Variants in MACF1 observed in about 807,000 individuals in gnomAD.
MACF1 encodes the protein microtubule actin crosslinking factor 1.
In MACF1, 193 loss-of-function variants were observed where a neutral mutation model predicts 854.8. That is an observed-to-expected ratio of 0.23 (90% confidence interval 0.20 to 0.25). MACF1 has a LOEUF of 0.25. Among genes scored for constraint, MACF1 ranks in the 10% least tolerant of loss-of-function variants. The pLI is 1.00. For missense variants in MACF1, 7,722 were observed against 8,929.1 expected, an observed-to-expected ratio of 0.86 and a Z score of 5.45; for synonymous variants, 3,185 against 3,226.7, an observed-to-expected ratio of 0.99 and a Z score of 0.44.
In MACF1 at chr1:39,361,768, G is replaced by A. The variant is rs1176386216; in HGVS notation, c.12771+91G>A. 2.5e-6 allele frequency: 3 copies of A among 1,215,452 alleles called. No individual in the cohort carries two copies. The East Asian group carries it at 7.0e-5, about 28-fold the overall frequency. 75.3% of individuals were successfully genotyped at this position (1,215,452 alleles called of 1,614,324 possible). A position where few individuals can be genotyped will look rare whatever the true frequency, so the allele number is the denominator to read the frequency against. ...TGCTGAGCGCATACTACATCAGTCAGTATACTGGAAACTACCTGCATTATC... is the reference window on the plus strand; with the variant it reads ...TGCTGAGCGCATACTACATCAGTCAATATACTGGAAACTACCTGCATTATC... On this transcript the variant is annotated intron_variant, in intron 49 of 100. Transcript: ENST00000564288.
At chr1:39,149,756 A>G (rs1643537993) in intron 2 of MACF1, among the ~76,000 whole-genome samples, 1 of 151,772 alleles carries the variant, frequency 6.6e-6, no homozygotes, top group Non-Finnish European at 1.5e-5. Context: ...GTCCTCCATA[A>G]TTGCCTCTCT....
chr1:39,304,665 G>A (rs1228225592), intron 23 of MACF1: 5 of 453,758 alleles, frequency 1.1e-5, no homozygotes, highest in East Asian at 4.7e-5. Flanking sequence ...CTGTGTTCAC[G>A]CCATTCTCCT....
chr1:39,094,718 CAA>C (rs78652109), intron 2 of MACF1, among the ~76,000 whole-genome samples: 1 of 137,832 alleles, frequency 7.3e-6, no homozygotes. Flanking sequence ...AACTCTGTCT[CAA>C]AAAAAAAAAA....
intron 2 of MACF1, among the ~76,000 whole-genome samples, chr1:39,133,182 C>G (rs1032184518): frequency 6.6e-6 from 1 of 152,222 alleles, no homozygotes; most frequent in African/African-American, 2.4e-5. Flanking sequence ...TCTGTCCTCA[C>G]TAGCCGACTT....
intron 53 of MACF1, among the ~76,000 whole-genome samples, chr1:39,378,830 G>A (rs1370935652): frequency 6.6e-6 from 1 of 152,212 alleles, no homozygotes; most frequent in Non-Finnish European, 1.5e-5. Flanking sequence ...AGATAATCTA[G>A]TCTAGCTCTC....
intron 58 of MACF1, chr1:39,414,290 T>A (rs745554790): frequency 6.2e-7 from 1 of 1,613,848 alleles, no homozygotes; most frequent in Non-Finnish European, 8.5e-7. Flanking sequence ...TTCCTGGGAG[T>A]TTCTGCCCAC....
intron 2 of MACF1, among the ~76,000 whole-genome samples, chr1:39,244,606 C>G (rs902639055): frequency 4.8e-5 from 7 of 145,488 alleles, no homozygotes; most frequent in Non-Finnish European, 1.5e-5. Flanking sequence ...GAAATGGAGT[C>G]TCGCTCTGTT....
intron 2 of MACF1, chr1:39,103,653 G>A (rs550485589): frequency 6.6e-6 from 1 of 152,474 alleles, no homozygotes; most frequent in African/African-American, 2.4e-5. Context: ...CTCATTAGCA[G>A]CTGACACCAA....
In MACF1 at chr1:39,336,591, A is replaced by T; in HGVS notation, c.10003A>T (p.Met3335Leu). Residue 3335 changes from methionine to leucine, a missense_variant, in exon 37 of 101, where the codon ATG (methionine) becomes TTG (leucine). By Grantham distance (15) the Met-to-Leu change is conservative. Coordinates refer to ENST00000564288, the MANE Select transcript of MACF1 (RefSeq NM_001394062.1). Reference protein sequence around the residue: ...ESPGSEQTPFMTAPEGKGNGG... With the variant: ...ESPGSEQTPFLTAPEGKGNGG... ...CCCTGGCAGTGAACAAACTCCCTTC[A>T]TGACTGCACCTGAAGGAAAGGGAAA... is the stretch of plus-strand genomic sequence containing the variant. 4 of 1,614,116 alleles carry T rather than the reference A, an allele frequency of 2.5e-6. No individual in the cohort carries two copies. Among genetic ancestry groups the T allele is most frequent in the South Asian group, 1.1e-5 (1 of 91,080 alleles).
At chr1:39,212,837 G>T (rs1454935000) in intron 1 of MACF1, among the ~76,000 whole-genome samples, 1 of 152,148 alleles carries the variant, frequency 6.6e-6, no homozygotes, top group African/African-American at 2.4e-5. Context: ...GTTGGCCAGG[G>T]TGGTCTCTAA....
rs1320697285 is a variant in MACF1, at chr1:39,409,368, C to T, written c.15817-13006C>T. ...CTCAGCTGCCGGAGGGACAAACTAA[C>T]TTCCTGAGCGCGGGACCTGAGGCTG... is the stretch of plus-strand genomic sequence containing the variant. On this transcript the variant is annotated intron_variant, in intron 58 of 100. Transcript: ENST00000564288. The surrounding 1 kb of genome is among the most constrained non-coding windows in gnomAD (Gnocchi z 4.2). 1 of 152,824 alleles carries T rather than the reference C, an allele frequency of 6.5e-6. No individual in the cohort carries two copies. Among genetic ancestry groups the T allele is most frequent in the Non-Finnish European group, 1.5e-5 (1 of 68,376 alleles). 9.5% of individuals were successfully genotyped at this position (152,824 alleles called of 1,614,324 possible). A position where few individuals can be genotyped will look rare whatever the true frequency, so the allele number is the denominator to read the frequency against.
chr1:39,301,975 C>T (rs2148417761), intron 22 of MACF1, among the ~76,000 whole-genome samples: 1 of 142,880 alleles, frequency 7.0e-6, no homozygotes, highest in South Asian at 2.2e-4. Context: ...CTGCTTACCA[C>T]TGTACCTATT....
At chr1:39,144,606 G>A (rs1210830021) in intron 2 of MACF1, among the ~76,000 whole-genome samples, 1 of 151,028 alleles carries the variant, frequency 6.6e-6, no homozygotes, top group Non-Finnish European at 1.5e-5. Context: ...TGAAGAACTA[G>A]TTTATATATC....
At position 39,302,959 on chromosome 1, in the gene MACF1, A is replaced by C; in HGVS notation, c.2670A>C (p.Glu890Asp). Reference protein sequence around the residue: ...TICKNDECVLEDNSQRTKWKV... With the variant: ...TICKNDECVLDDNSQRTKWKV... ...GCAAAAATGATGAATGTGTGCTAGA[A>C]GATAATTCTCAGCGGACCAAATGGA... is the stretch of plus-strand genomic sequence containing the variant. The change falls in exon 23 of 101, where the codon GAA becomes GAC. Residue 890 changes from glutamate (E) to aspartate (D), a missense_variant. Around this residue, in one of 15 missense-constraint regions of MACF1, gnomAD observed 1,137 missense variants for 1,263.0 expected, o/e 0.90. Coordinates refer to ENST00000564288, the MANE Select transcript of MACF1 (RefSeq NM_001394062.1). 6.2e-7 allele frequency: 1 copy of C among 1,614,218 alleles called. No individual in the cohort carries two copies. The highest frequency in any genetic ancestry group is 8.5e-7 in the Non-Finnish European group (1 of 1,180,016).
Position 39,409,021 on chromosome 1 carries a change from GGCGGCGCAGC to G in MACF1, c.15817-13346_15817-13337del, listed in dbSNP as rs921754037. On this transcript the variant is annotated intron_variant, in intron 58 of 100. Transcript: ENST00000564288. The surrounding 1 kb of genome is among the most constrained non-coding windows in gnomAD (Gnocchi z 4.2). Reference sequence around the variant, plus strand: ...GGCTTCCAGGGGGCTGCCCGGGCGGGGCGGCGCAGCGCGGCGGCGCGGGGAAGGGGGAGGA... The same window carrying G: ...GGCTTCCAGGGGGCTGCCCGGGCGGGGCGGCGGCGCGGGGAAGGGGGAGGA... Among the ~76,000 whole-genome samples the G allele has an allele frequency of 6.6e-6, 1 of 151,838 alleles. No individual in the cohort carries two copies. Among genetic ancestry groups the G allele is most frequent in the Non-Finnish European group, 1.5e-5 (1 of 67,946 alleles).
intron 2 of MACF1, among the ~76,000 whole-genome samples, chr1:39,239,383 T>G (rs369955894): frequency 6.6e-6 from 1 of 152,260 alleles, no homozygotes; most frequent in East Asian, 1.9e-4. Flanking sequence ...GATTCCCTGA[T>G]AACCTTTTGG....
chr1:39,450,903 G>C, intron 84 of MACF1, 149 bp from the exon 85 acceptor site: 1 of 845,270 alleles, frequency 1.2e-6, no homozygotes, highest in East Asian at 2.9e-5. Context: ...GAGCCACCGC[G>C]CCCGGCCTTT....
At chr1:39,188,278 A>G (rs975259938) in intron 2 of MACF1, among the ~76,000 whole-genome samples, 1 of 151,884 alleles carries the variant, frequency 6.6e-6, no homozygotes, top group Non-Finnish European at 1.5e-5. Context: ...AAATTACAAA[A>G]ATGAGCTGGA....
At chr1:39,467,104 T>G (rs1041042738) in intron 95 of MACF1, among the ~76,000 whole-genome samples, 4 of 152,186 alleles carry the variant, frequency 2.6e-5, no homozygotes, top group African/African-American at 9.6e-5. Flanking sequence ...TGGTGGCTTA[T>G]GCCTGTAATC....
Sources: gnomAD v4.1 joint callset for allele counts (sites outside exome capture counted in the v4.1 genomes callset) on GRCh38, gnomAD v4.1.1 for gene constraint, gnomAD v4.1.1 regional missense constraint, Gnocchi (gnomAD v3.1) non-coding constraint, MANE v1.5 for transcripts, NCBI Gene and HGNC (gene_info 2026-07-23, HGNC 2026-07-21) for gene names.